Variants in SPACDR observed in about 807,000 individuals in gnomAD.
SPACDR encodes sperm acrosome developmental regulator, also known as uncharacterized protein C7orf61.
At chr7:100,456,965 T>G in the SPACDR span, 1 of 1,612,800 alleles carries the variant, frequency 6.2e-7, no homozygotes, top group Non-Finnish European at 8.5e-7. Context: ...GGGAGCTGAC[T>G]GAGGCAGAAC....
the SPACDR span, chr7:100,464,097 G>GGGGGGGGGGT: frequency 1.9e-6 from 1 of 528,850 alleles, no homozygotes; most frequent in African/African-American, 2.1e-5. Context: ...GCGGGTGGGG[G>GGGGGGGGGGT]ATGGGGTGGG....
the SPACDR span, chr7:100,463,928 C>T: frequency 4.8e-5 from 77 of 1,590,318 alleles, 1 homozygote; most frequent in South Asian, 7.8e-4. Flanking sequence ...CTCATCCCAG[C>T]GCATCATGAG....
the SPACDR span, chr7:100,463,694 C>A: frequency 6.2e-7 from 1 of 1,611,266 alleles, no homozygotes. Flanking sequence ...AACCTGAGAA[C>A]CAAGACACAG....
At chr7:100,461,906 C>T in the SPACDR span, among the ~76,000 whole-genome samples, 27 of 148,334 alleles carry the variant, frequency 1.8e-4, no homozygotes, top group African/African-American at 5.7e-4. Flanking sequence ...GGCAGGAGAA[C>T]GGTGTGAACC....
At chr7:100,464,111 T>C in the SPACDR span, 373 of 1,539,438 alleles carry the variant, frequency 2.4e-4, no homozygotes, top group Admixed American at 5.3e-4. Context: ...GGGTGGGCTG[T>C]GGGCCGGTGA....
At chr7:100,459,026 C>T in the SPACDR span, among the ~76,000 whole-genome samples, 4 of 129,512 alleles carry the variant, frequency 3.1e-5, no homozygotes, top group South Asian at 2.5e-4. Context: ...TTTTTTGAGA[C>T]GAAGTCTCCC....
the SPACDR span, among the ~76,000 whole-genome samples, chr7:100,462,329 T>C: frequency 6.6e-6 from 1 of 151,872 alleles, no homozygotes; most frequent in Non-Finnish European, 1.5e-5. Context: ...TTCTCCTGCC[T>C]CAGCCTCCTG....
the SPACDR span, chr7:100,456,662 T>A: frequency 1.2e-6 from 1 of 849,960 alleles, no homozygotes; most frequent in Non-Finnish European, 1.8e-6. Context: ...TTGATACTTG[T>A]TTTACAACTG....
At chr7:100,464,056 G>A in the SPACDR span, 2 of 1,306,980 alleles carry the variant, frequency 1.5e-6, no homozygotes, top group Non-Finnish European at 2.1e-6. Flanking sequence ...CAGAAGAAAG[G>A]GCAGAGCTAG....
the SPACDR span, among the ~76,000 whole-genome samples, chr7:100,459,837 G>T: frequency 6.6e-6 from 1 of 152,140 alleles, no homozygotes; most frequent in East Asian, 1.9e-4. Flanking sequence ...CCCACTGAAG[G>T]ACATGGGTTG....
the SPACDR span, among the ~76,000 whole-genome samples, chr7:100,458,397 G>T: frequency 6.6e-6 from 1 of 151,754 alleles, no homozygotes; most frequent in Non-Finnish European, 1.5e-5. Flanking sequence ...ACAGGAGAAA[G>T]CAAAAAACAA....
At chr7:100,457,619 T>C in the SPACDR span, among the ~76,000 whole-genome samples, 2 of 72,890 alleles carry the variant, frequency 2.7e-5, no homozygotes, top group South Asian at 7.7e-4. Context: ...ATGCCTGGCC[T>C]TTTTTTTTTT....
At chr7:100,460,030 C>CA in the SPACDR span, among the ~76,000 whole-genome samples, 2 of 152,028 alleles carry the variant, frequency 1.3e-5, no homozygotes, top group South Asian at 4.2e-4. Flanking sequence ...GCTGGGACTA[C>CA]AGGCACCCGC....
the SPACDR span, among the ~76,000 whole-genome samples, chr7:100,457,169 C>T: frequency 7.0e-6 from 1 of 143,432 alleles, no homozygotes; most frequent in African/African-American, 2.5e-5. Flanking sequence ...CATTTCTATC[C>T]TTTTTTTTTT....
At chr7:100,462,694 G>T in the SPACDR span, among the ~76,000 whole-genome samples, 1 of 150,258 alleles carries the variant, frequency 6.7e-6, no homozygotes, top group Admixed American at 6.6e-5. Context: ...TAACTTTTTT[G>T]TAGAAATGGG....
At chr7:100,457,803 A>ATATATGTGTGTGTG in the SPACDR span, among the ~76,000 whole-genome samples, 1 of 72,606 alleles carries the variant, frequency 1.4e-5, no homozygotes. Flanking sequence ...ATATATATAT[A>ATATATGTGTGTGTG]TGTGTGTGTG....
chr7:100,463,572 C>T, the SPACDR span: 34 of 1,613,882 alleles, frequency 2.1e-5, no homozygotes. Context: ...GGGAGCTCGA[C>T]CAACCTCAAA....
At chr7:100,456,996 A>G in the SPACDR span, 1 of 1,601,256 alleles carries the variant, frequency 6.2e-7, no homozygotes, top group Non-Finnish European at 8.5e-7. Flanking sequence ...CTGTAAGAGA[A>G]AGAGAAGATG....
the SPACDR span, chr7:100,456,927 G>A: frequency 1.2e-6 from 2 of 1,613,708 alleles, no homozygotes; most frequent in Non-Finnish European, 1.7e-6. Flanking sequence ...AGCCTCCGGA[G>A]TCTTCAAAGG....
Sources: allele counts gnomAD v4.1 joint callset (sites outside exome capture counted in the v4.1 genomes callset), GRCh38; gene constraint gnomAD v4.1.1; transcripts MANE v1.5; gene names NCBI Gene and HGNC (gene_info 2026-07-23, HGNC 2026-07-21).